The following CHAF1B variants were observed in gnomAD, a reference collection of about 807,000 sequenced individuals.
The protein encoded by CHAF1B is CAF-1 subunit B.
Under a neutral mutation model 60.7 loss-of-function variants are expected in CHAF1B, and 10 were observed. The observed-to-expected ratio is 0.16, with a 90% CI of 0.10 to 0.28. The LOEUF is 0.28. Ranked by LOEUF, CHAF1B falls within the 10% of genes least tolerant of loss-of-function variation. CHAF1B has a pLI of 1.00. For missense variants in CHAF1B, 558 were observed against 708.4 expected (o/e 0.79, Z 2.41); for synonymous variants, 261 against 266.1 (o/e 0.98, Z 0.19).
At chr21:36,403,878 G>T (rs1312921066) in intron 8 of CHAF1B, among the ~76,000 whole-genome samples, 3 of 152,176 alleles carry the variant, frequency 2.0e-5, no homozygotes, top group Non-Finnish European at 4.4e-5. Context: ...CACTGTCTTG[G>T]TTTGCCACTG....
At chr21:36,407,550 TATC>T (rs1185795076) in intron 8 of CHAF1B, among the ~76,000 whole-genome samples, 1 of 152,242 alleles carries the variant, frequency 6.6e-6, no homozygotes, top group East Asian at 1.9e-4. Flanking sequence ...CAATAAAAAA[TATC>T]ATAGAGGTAT....
intron 6 of CHAF1B, among the ~76,000 whole-genome samples, chr21:36,399,307 A>G (rs1046973534): frequency 6.6e-6 from 1 of 152,086 alleles, no homozygotes; most frequent in South Asian, 2.1e-4. Context: ...AAGTGTCGGG[A>G]TTACAGGCGT....
chr21:36,397,106 G>T (rs1463043524), intron 5 of CHAF1B, among the ~76,000 whole-genome samples: 2 of 152,222 alleles, frequency 1.3e-5, no homozygotes, highest in East Asian at 3.9e-4. Context: ...CTGACCTGGG[G>T]AACTGAACTT....
chr21:36,396,239 A>G (rs930367597), intron 5 of CHAF1B, among the ~76,000 whole-genome samples: 2 of 150,500 alleles, frequency 1.3e-5, no homozygotes, highest in East Asian at 2.0e-4. Flanking sequence ...ACTTGAAGCG[A>G]TCTGCCTGCG....
intron 10 of CHAF1B, among the ~76,000 whole-genome samples, chr21:36,410,382 C>T (rs2146375269): frequency 6.6e-6 from 1 of 152,178 alleles, no homozygotes; most frequent in African/African-American, 2.4e-5. Flanking sequence ...TCTGTTATTC[C>T]CTTCTCTTAT....
intron 2 of CHAF1B, among the ~76,000 whole-genome samples, chr21:36,386,598 T>C (rs575102096): frequency 6.6e-6 from 1 of 152,300 alleles, no homozygotes; most frequent in South Asian, 2.1e-4. Flanking sequence ...ACCCTTCTCT[T>C]AAGTAAATGA....
At chr21:36,397,167 C>T (rs1018384003) in intron 5 of CHAF1B, among the ~76,000 whole-genome samples, 1 of 152,160 alleles carries the variant, frequency 6.6e-6, no homozygotes, top group Non-Finnish European at 1.5e-5. Flanking sequence ...TCCCCCGGTC[C>T]ACATGTGTGA....
At chr21:36,400,420 G>T (rs971595567) in intron 7 of CHAF1B, among the ~76,000 whole-genome samples, 2 of 152,046 alleles carry the variant, frequency 1.3e-5, no homozygotes, top group Non-Finnish European at 2.9e-5. Context: ...GCAGTGAGCT[G>T]AAATCACACC....
intron 3 of CHAF1B, chr21:36,388,826 A>T (rs920696142): frequency 6.6e-6 from 1 of 152,162 alleles, no homozygotes; most frequent in Non-Finnish European, 1.5e-5. Flanking sequence ...AAAGTTCCTC[A>T]TGGAGGTGTG....
Position 36,413,454 on chromosome 21 carries a change from AATCCGAGAGTGTC to A in CHAF1B, c.1493+142_1493+154del, listed in dbSNP as rs2086294633. On this transcript the variant is annotated intron_variant, in intron 12 of 13. Coordinates refer to ENST00000314103, the MANE Select transcript of CHAF1B (RefSeq NM_005441.3). ...GTTGCCAGAGAGATTCTTAACTTCA[AATCCGAGAGTGTC>A]ATTTCTTGCATATAGGCCTCTGTTT... 5 of 796,174 alleles carry A rather than the reference AATCCGAGAGTGTC, an allele frequency of 6.3e-6. No homozygotes were observed. In the South Asian group the frequency reaches 7.6e-5, roughly 12 times the overall value. The allele number at this position is 796,174 out of a possible 1,614,324, so 49.3% of individuals were successfully genotyped here.
At chr21:36,415,459 T>C in intron 13 of CHAF1B, 70 bp downstream of exon 13, 1 of 1,045,248 alleles carries the variant, frequency 9.6e-7, no homozygotes, top group South Asian at 1.3e-5. Context: ...TTTTGGAAAT[T>C]AATGCCGCCT....
At chr21:36,390,016 C>T (rs1011714453) in intron 3 of CHAF1B, among the ~76,000 whole-genome samples, 2 of 151,968 alleles carry the variant, frequency 1.3e-5, no homozygotes, top group Non-Finnish European at 2.9e-5. Flanking sequence ...CTAATGTGTG[C>T]GAATAGGATT....
intron 13 of CHAF1B, chr21:36,415,646 G>A (rs2146379301): frequency 2.0e-6 from 1 of 511,568 alleles, no homozygotes; most frequent in Non-Finnish European, 3.5e-6. Flanking sequence ...CCTGATGACT[G>A]CTGACCTTGT....
chr21:36,411,179 T>C (rs2146375830), intron 10 of CHAF1B, among the ~76,000 whole-genome samples: 1 of 151,340 alleles, frequency 6.6e-6, no homozygotes, highest in African/African-American at 2.4e-5. Flanking sequence ...AGTGGTGCAA[T>C]CTGAGCTCAC....
chr21:36,390,067 C>T (rs961100362), intron 3 of CHAF1B, among the ~76,000 whole-genome samples: 3 of 151,968 alleles, frequency 2.0e-5, no homozygotes, highest in Non-Finnish European at 4.4e-5. Context: ...GGTGCGGTGG[C>T]TCACGCCTGT....
intron 4 of CHAF1B, 118 bp from the exon 5 acceptor site, chr21:36,394,429 T>C (rs1367665823): frequency 4.4e-6 from 3 of 684,528 alleles, no homozygotes; most frequent in Non-Finnish European, 7.7e-6. Context: ...AGGCTGGCCT[T>C]GAACTCCTGA....
chr21:36,392,793 C>G (rs1293826191), intron 4 of CHAF1B, among the ~76,000 whole-genome samples: 1 of 152,172 alleles, frequency 6.6e-6, no homozygotes, highest in East Asian at 1.9e-4. Context: ...AGACGCTACT[C>G]ACTTCCTAGA....
In CHAF1B at chr21:36,413,258, AC is replaced by A; in HGVS notation, c.1439del (p.Pro480HisfsTer7). On this transcript the variant is annotated frameshift_variant, in exon 12 of 14. Transcript: ENST00000314103. LOFTEE classifies it high-confidence loss of function. ...LQPSSQNTKAHPSRRVTLNTL... is the reference protein window; with the variant it reads ...LQPSSQNTKAXPSRRVTLNTL... ...CCCAGTAGTCAAAACACAAAAGCCC[AC>A]CCATCCCGGAGGGTCACTCTGAACA... 1 of 1,613,314 alleles carries A rather than the reference AC, an allele frequency of 6.2e-7. No individual in the cohort carries two copies. The highest frequency in any genetic ancestry group is 1.3e-5 in the African/African-American group (1 of 74,972).
chr21:36,402,439 GTTC>G (rs1407104496), intron 7 of CHAF1B, among the ~76,000 whole-genome samples: 1 of 152,126 alleles, frequency 6.6e-6, no homozygotes, highest in African/African-American at 2.4e-5. Context: ...TGTGGTTTGT[GTTC>G]TTAAGAGTTT....
Sources: allele counts gnomAD v4.1 joint callset (sites outside exome capture counted in the v4.1 genomes callset), GRCh38; gene constraint gnomAD v4.1.1; transcripts MANE v1.5; gene names NCBI Gene and HGNC (gene_info 2026-07-23, HGNC 2026-07-21).